CENPE: variants seen among roughly 807,000 people sequenced by gnomAD.
CENPE encodes centromere-associated protein E.
CENPE carries 145 observed loss-of-function variants against 336.1 expected under a neutral mutation model. The ratio of observed to expected loss-of-function variants is 0.43; its 90% CI spans 0.38 to 0.50. The LOEUF is 0.50. Among genes scored for constraint, CENPE ranks in the 20% least tolerant of loss-of-function variants. CENPE has a pLI of 0.00. For missense variants in CENPE, 2,719 were observed against 3,023.3 expected (o/e 0.90, Z 2.36); for synonymous variants, 1,013 against 984.8 (o/e 1.03, Z -0.54).
chr4:103,141,074 G>A lies in CENPE; in HGVS notation c.5494C>T (p.Leu1832Phe). The A allele has an allele frequency of 1.3e-6, 2 of 1,575,948 alleles. No individual in the cohort carries two copies. Among genetic ancestry groups the A allele is most frequent in the Non-Finnish European group, 1.7e-6 (2 of 1,159,868 alleles). The change falls in exon 36 of 49, where the codon CTT (leucine) becomes TTT (phenylalanine). Residue 1832 changes from leucine (L) to phenylalanine (F), a missense_variant. Physicochemically the swap from Leu to Phe is conservative, Grantham distance 22 (BLOSUM62 0). Around this residue, in one of 5 missense-constraint regions of CENPE, gnomAD observed 2,437 missense variants for 2,513.3 expected, o/e 0.97. Coordinates refer to ENST00000265148, the MANE Select transcript of CENPE (RefSeq NM_001813.3). Reference protein sequence around the residue: ...IQELKANEHQLITLKKDVNET... With the variant: ...IQELKANEHQFITLKKDVNET... The stretch of plus-strand genomic sequence containing the variant: ...TTGACATCTTTTTTTAACGTAATAA[G>A]TTGATGTTCATTTGCCTTAAGTTCT...
In CENPE at chr4:103,106,277, G is replaced by C. The variant is rs936713162; in HGVS notation, c.8051C>G (p.Pro2684Arg). The C allele has an allele frequency of 6.2e-7, 1 of 1,602,874 alleles. No homozygotes were observed. Among genetic ancestry groups the C allele is most frequent in the Non-Finnish European group, 8.5e-7 (1 of 1,173,838 alleles). ...GCCTGAGGAGGCGTGCCAAGGACCT[G>C]GCTGAGAATCCACACTCTCTGCTCC... ...NAGAESVDSQ[P>R]GPWHASSGKD... The change falls in exon 49 of 49, where the codon CCA becomes CGA. Residue 2684 changes from proline to arginine, a missense_variant. Around this residue, in one of 5 missense-constraint regions of CENPE, gnomAD observed 2,437 missense variants for 2,513.3 expected, o/e 0.97. Transcript: ENST00000265148.
At chr4:103,155,642 G>T (rs1287991174) in intron 24 of CENPE, among the ~76,000 whole-genome samples, 1 of 152,012 alleles carries the variant, frequency 6.6e-6, no homozygotes, top group Non-Finnish European at 1.5e-5. Flanking sequence ...AAATGCCTTT[G>T]GCCTATGGTT....
intron 8 of CENPE, among the ~76,000 whole-genome samples, chr4:103,191,248 A>T (rs748234077): frequency 6.6e-6 from 1 of 152,230 alleles, no homozygotes; most frequent in Non-Finnish European, 1.5e-5. Context: ...GTGATTCCTC[A>T]GGGATCTAGA....
chr4:103,136,651 G>A (rs538279806), intron 39 of CENPE, among the ~76,000 whole-genome samples: 142 of 152,118 alleles, frequency 9.3e-4, no homozygotes, highest in Non-Finnish European at 1.6e-3. Context: ...GAATATCCAT[G>A]ATATGAATCA....
rs1315856318 is a variant in CENPE, at chr4:103,140,477, A to G, written c.5755-63T>C. On this transcript the variant is annotated intron_variant, in intron 36 of 48. Transcript: ENST00000265148. ...AAAGGCACGTTACCTTTACTTAATG[A>G]TTGAGTTTAAACAAAATCTTAAAAA... is the stretch of plus-strand genomic sequence containing the variant. 15 of 1,150,488 alleles carry G rather than the reference A, an allele frequency of 1.3e-5. No individual in the cohort carries two copies. In the Admixed American group the frequency reaches 3.9e-4, roughly 30 times the overall value. 71.3% of individuals were successfully genotyped at this position (1,150,488 alleles called of 1,614,324 possible).
Position 103,132,865 on chromosome 4 carries a change from A to G in CENPE, c.6752T>C (p.Phe2251Ser). The change falls in exon 42 of 49, where the codon TTC becomes TCC. Residue 2251 changes from phenylalanine (F) to serine (S), a missense_variant. Coordinates refer to ENST00000265148, the MANE Select transcript of CENPE (RefSeq NM_001813.3). ...TTGAAATTCAGTCTTTATGCTAGGG[A>G]ACTCACTTTCTGAGAAATCTTTGAG... ...EILKDFSESE[F>S]PSIKTEFQQV... 6.7e-7 allele frequency: 1 copy of G among 1,486,456 alleles called. No individual in the cohort carries two copies. Among genetic ancestry groups the G allele is most frequent in the East Asian group, 2.5e-5 (1 of 40,260 alleles). 92.1% of individuals were successfully genotyped at this position (1,486,456 alleles called of 1,614,324 possible).
rs200858247 is a variant in CENPE, at chr4:103,118,199, T to C, written c.7330-1510A>G. On this transcript the variant is annotated intron_variant, in intron 44 of 48. Transcript: ENST00000265148. Reference sequence around the variant, plus strand: ...ATTTTGCATTTCCACTAGCAATTAATGAGAATTCTTGTTGCTCCACACACC... The same window carrying C: ...ATTTTGCATTTCCACTAGCAATTAACGAGAATTCTTGTTGCTCCACACACC... Among the ~76,000 whole-genome samples the C allele has an allele frequency of 2.0e-5, 3 of 152,336 alleles. No homozygotes were observed. In the East Asian group the frequency reaches 5.8e-4, roughly 29 times the overall value.
chr4:103,125,323 CTT>C (rs1750994539), intron 42 of CENPE, among the ~76,000 whole-genome samples: 1 of 152,102 alleles, frequency 6.6e-6, no homozygotes, highest in African/African-American at 2.4e-5. Flanking sequence ...AATAAGCAAT[CTT>C]TTGAATATTA....
At chr4:103,128,425 T>C (rs915914178) in intron 42 of CENPE, among the ~76,000 whole-genome samples, 12 of 152,256 alleles carry the variant, frequency 7.9e-5, no homozygotes, top group African/African-American at 1.7e-4. Flanking sequence ...CTGGATGCAA[T>C]TGACATCTAT....
At chr4:103,166,307 GT>G (rs1200610987) in intron 16 of CENPE, among the ~76,000 whole-genome samples, 1 of 152,180 alleles carries the variant, frequency 6.6e-6, no homozygotes, top group Non-Finnish European at 1.5e-5. Flanking sequence ...TCTGCGGTAA[GT>G]TTATAAGTGG....
intron 8 of CENPE, among the ~76,000 whole-genome samples, chr4:103,189,570 G>C (rs1383824982): frequency 6.6e-6 from 1 of 152,110 alleles, no homozygotes; most frequent in Non-Finnish European, 1.5e-5. Context: ...ATGCAGAAAA[G>C]GCCTTTAACA....
Position 103,123,109 on chromosome 4 carries a change from C to T in CENPE, c.6925-20G>A, listed in dbSNP as rs1750782997. The T allele has an allele frequency of 2.5e-6, 4 of 1,569,576 alleles. No individual in the cohort carries two copies. The Middle Eastern group carries it at 5.2e-4, about 202-fold the overall frequency. On this transcript the variant is annotated intron_variant, in intron 42 of 48. Coordinates refer to ENST00000265148, the MANE Select transcript of CENPE (RefSeq NM_001813.3). The stretch of plus-strand genomic sequence containing the variant: ...TATGGCCTATTGAACAGTAAAATAC[C>T]ATTATAGCTCTAAAACGATTTATAG...
At chr4:103,196,109 G>A (rs1757712360) in intron 3 of CENPE, 54 bp downstream of exon 3, 1 of 1,580,934 alleles carries the variant, frequency 6.3e-7, no homozygotes, top group Non-Finnish European at 8.7e-7. Context: ...ATGCATGCTT[G>A]TTGCACAGAC....
chr4:103,191,948 G>C (rs55798997), intron 8 of CENPE, among the ~76,000 whole-genome samples: 1 of 152,024 alleles, frequency 6.6e-6, no homozygotes, highest in Non-Finnish European at 1.5e-5. Flanking sequence ...AGCCCCATCA[G>C]GCAGCTGGGG....
chr4:103,177,502 C>T (rs1216738403), intron 13 of CENPE, among the ~76,000 whole-genome samples: 3 of 151,786 alleles, frequency 2.0e-5, no homozygotes, highest in Non-Finnish European at 4.4e-5. Context: ...GTTGTAATCA[C>T]ATCTGAAATA....
At chr4:103,139,742 T>A in intron 38 of CENPE, 47 bp downstream of exon 38, 1 of 1,473,022 alleles carries the variant, frequency 6.8e-7, no homozygotes. Context: ...TCAAAAAAGC[T>A]TAATTCTTAT....
intron 16 of CENPE, among the ~76,000 whole-genome samples, chr4:103,173,766 A>G (rs1755625482): frequency 6.6e-6 from 1 of 151,984 alleles, no homozygotes; most frequent in Admixed American, 6.6e-5. Flanking sequence ...ACATACACAT[A>G]ATATGTTCAA....
chr4:103,136,326 G>A lies in CENPE; in HGVS notation c.6337C>T (p.His2113Tyr), dbSNP rs917305726. The change falls in exon 40 of 49, where the codon CAT becomes TAT. Residue 2113 changes from histidine to tyrosine, a missense_variant. Around this residue, in one of 5 missense-constraint regions of CENPE, gnomAD observed 2,437 missense variants for 2,513.3 expected, o/e 0.97. Coordinates refer to ENST00000265148, the MANE Select transcript of CENPE (RefSeq NM_001813.3). ...GACAATCTATTCAAGCACTCATAAT[G>A]ATCATCCATCTCTGAGTATCTCTTC... ...LLKRYSEMDD[H>Y]YECLNRLSLD... 8 of 1,611,950 alleles carry A rather than the reference G, an allele frequency of 5.0e-6. No homozygotes were observed. The highest frequency in any genetic ancestry group is 1.1e-5 in the South Asian group (1 of 90,972).
chr4:103,161,270 C>T lies in CENPE; in HGVS notation c.1966-19G>A, dbSNP rs756131848. The T allele has an allele frequency of 3.5e-5, 56 of 1,604,364 alleles. No individual in the cohort carries two copies. In the East Asian group the frequency reaches 6.7e-4, roughly 19 times the overall value. On this transcript the variant is annotated intron_variant, in intron 19 of 48. Coordinates refer to ENST00000265148, the MANE Select transcript of CENPE (RefSeq NM_001813.3). ...GTTCTTTCTATTGAGAAAAACATTG[C>T]AAATGCACAAAAATACACTGATCAT...
Sources: gnomAD v4.1 joint callset for allele counts (sites outside exome capture counted in the v4.1 genomes callset) on GRCh38, gnomAD v4.1.1 for gene constraint, gnomAD v4.1.1 regional missense constraint, MANE v1.5 for transcripts, NCBI Gene and HGNC (gene_info 2026-07-23, HGNC 2026-07-21) for gene names.